Variants in DGKI observed in about 807,000 individuals in gnomAD.
DGKI encodes the protein DAG kinase iota.
In DGKI, 55 loss-of-function variants were observed where a neutral mutation model predicts 147.5. That is an observed-to-expected ratio of 0.37 (90% CI 0.30 to 0.47). The LOEUF is 0.47. Ranked by LOEUF, DGKI falls within the 20% of genes least tolerant of loss-of-function variation. The pLI, the probability that DGKI is intolerant of heterozygous loss-of-function variation, is 1.00. For synonymous variants in DGKI, 469 were observed against 477.1 expected (o/e 0.98, Z 0.22); for missense variants, 1,007 against 1,323.8 (o/e 0.76, Z 3.71).
chr7:137,665,670 C>A (rs1381983361), intron 3 of DGKI, among the ~76,000 whole-genome samples: 2 of 152,146 alleles, frequency 1.3e-5, no homozygotes, highest in Non-Finnish European at 2.9e-5. Flanking sequence ...CTGAACCCCA[C>A]CTAGGCAGGC....
At chr7:137,651,182 T>G (rs1822014412) in intron 5 of DGKI, among the ~76,000 whole-genome samples, 1 of 152,232 alleles carries the variant, frequency 6.6e-6, no homozygotes, top group Non-Finnish European at 1.5e-5. Context: ...CTGATTTTCA[T>G]TTTGAAAGAT....
At chr7:137,400,971 C>T (rs1032677718) in intron 30 of DGKI, among the ~76,000 whole-genome samples, 7 of 152,100 alleles carry the variant, frequency 4.6e-5, no homozygotes, top group Admixed American at 3.3e-4. Flanking sequence ...TCATTTTTGG[C>T]CTGCTTTAGG....
At chr7:137,445,306 CAATTTATTTCAACTGTGCAAATCTCTTA>C (rs1309055367) in intron 27 of DGKI, among the ~76,000 whole-genome samples, 5 of 152,140 alleles carry the variant, frequency 3.3e-5, no homozygotes, top group Admixed American at 2.6e-4. Flanking sequence ...GGCAAAGTAT[CAATTTATTTCAACTGTGCAAATCTCTTA>C]AAGTAGACTT....
At chr7:137,804,947 T>A (rs1422196850) in intron 1 of DGKI, among the ~76,000 whole-genome samples, 3 of 152,218 alleles carry the variant, frequency 2.0e-5, no homozygotes, top group Admixed American at 1.3e-4. Flanking sequence ...TGTTTTCAGC[T>A]GTATTTCCAC....
rs1016044741 is a variant in DGKI, at chr7:137,383,656, A to C, written c.*7564T>G. The C allele has an allele frequency of 3.9e-5, 6 of 152,142 alleles. No homozygotes were observed. Among genetic ancestry groups the C allele is most frequent in the African/African-American group, 1.4e-4 (6 of 41,552 alleles). The allele number at this position is 152,142 out of a possible 1,614,324, so 9.4% of individuals were successfully genotyped here. A position where few individuals can be genotyped will look rare whatever the true frequency, so the allele number is the denominator to read the frequency against. ...GATAACAACTTCACTGTTTTTCAGA[A>C]AGCCCAAACTGTTTTTCTGGATGCA... On this transcript the variant is annotated 3_prime_UTR_variant, in exon 33 of 33. Transcript: ENST00000614521.
At chr7:137,481,307 C>A (rs1287975043) in intron 23 of DGKI, among the ~76,000 whole-genome samples, 2 of 152,064 alleles carry the variant, frequency 1.3e-5, no homozygotes, top group Non-Finnish European at 2.9e-5. Flanking sequence ...GAAGGGATAT[C>A]ATGATTTCGA....
At chr7:137,618,564 G>A (rs1043953479) in intron 8 of DGKI, among the ~76,000 whole-genome samples, 9 of 151,784 alleles carry the variant, frequency 5.9e-5, no homozygotes, top group African/African-American at 2.2e-4. Flanking sequence ...GGTTTTCAAT[G>A]GAAAGATGTG....
At chr7:137,831,871 G>A (rs1798230357) in intron 1 of DGKI, among the ~76,000 whole-genome samples, 1 of 152,222 alleles carries the variant, frequency 6.6e-6, no homozygotes, top group Non-Finnish European at 1.5e-5. Flanking sequence ...GGTACAATGG[G>A]GATACAAACA....
intron 28 of DGKI, among the ~76,000 whole-genome samples, chr7:137,422,589 TCTTTTC>T (rs1812615185): frequency 7.3e-6 from 1 of 137,032 alleles, no homozygotes; most frequent in African/African-American, 2.6e-5. Flanking sequence ...ATTTTCTTTT[TCTTTTC>T]TTTTTTTTTT....
At chr7:137,479,226 T>C (rs1184838110) in intron 23 of DGKI, among the ~76,000 whole-genome samples, 1 of 152,188 alleles carries the variant, frequency 6.6e-6, no homozygotes, top group Non-Finnish European at 1.5e-5. Flanking sequence ...ACCTTAGATA[T>C]ACCATGCTCC....
At chr7:137,838,624 C>G (rs1043866676) in intron 1 of DGKI, among the ~76,000 whole-genome samples, 13 of 152,170 alleles carry the variant, frequency 8.5e-5, no homozygotes, top group African/African-American at 3.1e-4. Context: ...TGGCTATTTC[C>G]TGAAAGACTA....
intron 1 of DGKI, among the ~76,000 whole-genome samples, chr7:137,833,709 G>T (rs1273845791): frequency 6.6e-6 from 1 of 152,174 alleles, no homozygotes; most frequent in African/African-American, 2.4e-5. Flanking sequence ...GTCCAAGAGA[G>T]TCTGGTCGTC....
chr7:137,475,757 G>A (rs1815149687), intron 23 of DGKI, among the ~76,000 whole-genome samples: 1 of 152,190 alleles, frequency 6.6e-6, no homozygotes, highest in South Asian at 2.1e-4. Flanking sequence ...TGGAGTTACT[G>A]TAAGTCTGAT....
chr7:137,505,232 C>T (rs923100475), intron 21 of DGKI, among the ~76,000 whole-genome samples: 10 of 152,134 alleles, frequency 6.6e-5, no homozygotes, highest in African/African-American at 2.4e-4. Flanking sequence ...ACTGAGGCCA[C>T]AGGACAGAAG....
chr7:137,736,397 C>T (rs1795023994), intron 1 of DGKI, among the ~76,000 whole-genome samples: 1 of 152,050 alleles, frequency 6.6e-6, no homozygotes, highest in African/African-American at 2.4e-5. Flanking sequence ...AACCTCTTAC[C>T]GTGTGACAGT....
chr7:137,572,862 G>A (rs754913808), intron 17 of DGKI, 24 bp from the exon 18 acceptor site: 2 of 1,562,164 alleles, frequency 1.3e-6, no homozygotes, highest in Admixed American at 3.7e-5. Flanking sequence ...AACAGAAAAG[G>A]GGTTTTGAAG....
intron 6 of DGKI, among the ~76,000 whole-genome samples, chr7:137,642,707 CA>C (rs1821673800): frequency 6.6e-6 from 1 of 152,110 alleles, no homozygotes; most frequent in Admixed American, 6.6e-5. Context: ...AAATGCCACA[CA>C]CACTCAGCCA....
intron 6 of DGKI, among the ~76,000 whole-genome samples, chr7:137,639,403 A>G (rs796307342): frequency 3.3e-5 from 5 of 152,334 alleles, no homozygotes; most frequent in African/African-American, 1.2e-4. Context: ...CAAAGAGGCC[A>G]TTTGCTTGCG....
chr7:137,412,785 A>T (rs1417168330), intron 28 of DGKI, among the ~76,000 whole-genome samples: 1 of 152,244 alleles, frequency 6.6e-6, no homozygotes, highest in Admixed American at 6.5e-5. Context: ...GACAGCAAAG[A>T]GGAATCAAGT....
Sources: gnomAD v4.1 joint callset for allele counts (sites outside exome capture counted in the v4.1 genomes callset) on GRCh38, gnomAD v4.1.1 for gene constraint, MANE v1.5 for transcripts, NCBI Gene and HGNC (gene_info 2026-07-23, HGNC 2026-07-21) for gene names.